Variants in TNFRSF13B observed in about 807,000 individuals in gnomAD.
TNFRSF13B encodes the protein tumor necrosis factor receptor superfamily member 13B.
Under a neutral mutation model 24.0 loss-of-function variants are expected in TNFRSF13B, and 34 were observed. The ratio of observed to expected loss-of-function variants is 1.41; its 90% CI spans 1.08 to 1.88. The LOEUF is 1.88. TNFRSF13B is among the 40% of genes most tolerant of loss of function. The pLI is 0.00. For missense variants in TNFRSF13B, 415 were observed against 380.8 expected, an observed-to-expected ratio of 1.09 and a Z score of -0.75; for synonymous variants, 173 against 150.3, an observed-to-expected ratio of 1.15 and a Z score of -1.10.
intron 1 of TNFRSF13B, among the ~76,000 whole-genome samples, chr17:16,969,981 G>T (rs540483463): frequency 3.9e-5 from 6 of 152,076 alleles, no homozygotes; most frequent in Non-Finnish European, 8.8e-5. Context: ...TGTGACAAGG[G>T]CAGCCTTGGA....
At chr17:16,951,935 C>T (rs2087591746) in intron 2 of TNFRSF13B, among the ~76,000 whole-genome samples, 1 of 151,968 alleles carries the variant, frequency 6.6e-6, no homozygotes, top group South Asian at 2.1e-4. Flanking sequence ...AAATAAAATA[C>T]ACAAGTCAAA....
intron 3 of TNFRSF13B, among the ~76,000 whole-genome samples, chr17:16,945,711 C>G (rs1300120609): frequency 6.6e-6 from 1 of 152,178 alleles, no homozygotes; most frequent in African/African-American, 2.4e-5. Flanking sequence ...TGTATCCACA[C>G]CCCCTCCATG....
chr17:16,945,264 G>A (rs61458363), intron 3 of TNFRSF13B, among the ~76,000 whole-genome samples: 2,189 of 152,286 alleles, frequency 0.014, 50 homozygotes, highest in African/African-American at 0.05. Context: ...GAGCCAAGAT[G>A]AGGCTCCAAG....
chr17:16,940,300 C>G (rs759510650), intron 4 of TNFRSF13B, 26 bp downstream of exon 4: 1 of 1,612,092 alleles, frequency 6.2e-7, no homozygotes, highest in South Asian at 1.1e-5. Context: ...GCGAGAAGGG[C>G]GAGGACCCCA....
chr17:16,946,576 TTTTATTTA>T (rs1191028278), intron 3 of TNFRSF13B, among the ~76,000 whole-genome samples: 1 of 135,246 alleles, frequency 7.4e-6, no homozygotes, highest in South Asian at 2.4e-4. Context: ...TTATTTTTAT[TTTTATTTA>T]TTTATTTATT....
chr17:16,945,095 G>A (rs2087537974), intron 3 of TNFRSF13B, among the ~76,000 whole-genome samples: 1 of 152,232 alleles, frequency 6.6e-6, no homozygotes, highest in African/African-American at 2.4e-5. Context: ...AAAGGGCAGG[G>A]TAGGGCAGTG....
rs933717065 is a variant in TNFRSF13B, at chr17:16,944,216, C to T, written c.446-3705G>A. Among the ~76,000 whole-genome samples the T allele has an allele frequency of 2.0e-5, 3 of 152,224 alleles. No individual in the cohort carries two copies. The South Asian group carries it at 6.2e-4, about 32-fold the overall frequency. On this transcript the variant is annotated intron_variant, in intron 3 of 4. Coordinates refer to ENST00000261652, the MANE Select transcript of TNFRSF13B (RefSeq NM_012452.3). ...CCAGCCTCCAGCACAGAGCCCCTCA[C>T]AGCCTCCCAACGGCACAGTTCTCTG... is the stretch of plus-strand genomic sequence containing the variant.
intron 1 of TNFRSF13B, among the ~76,000 whole-genome samples, chr17:16,968,792 A>T (rs1489376719): frequency 1.3e-5 from 2 of 152,236 alleles, no homozygotes; most frequent in Non-Finnish European, 2.9e-5. Context: ...ATAGGTTCAA[A>T]TATTATACCT....
chr17:16,966,447 A>G (rs532094040), intron 1 of TNFRSF13B, among the ~76,000 whole-genome samples: 1 of 152,336 alleles, frequency 6.6e-6, no homozygotes, highest in South Asian at 2.1e-4. Flanking sequence ...TCATGAATAG[A>G]CAGTTCACAG....
At chr17:16,961,245 C>T (rs7223652) in intron 1 of TNFRSF13B, among the ~76,000 whole-genome samples, 118,671 of 152,160 alleles carry the variant, frequency 0.78, 47,007 homozygotes, top group East Asian at 0.99. Context: ...CACTCCTAAG[C>T]AAACATCCAA....
intron 3 of TNFRSF13B, among the ~76,000 whole-genome samples, chr17:16,942,308 C>T (rs2087516780): frequency 2.0e-5 from 3 of 152,218 alleles, no homozygotes; most frequent in African/African-American, 4.8e-5. Context: ...GCTCCAAGCC[C>T]GCGGGCCACA....
chr17:16,969,636 A>G (rs975379319), intron 1 of TNFRSF13B, among the ~76,000 whole-genome samples: 4 of 152,142 alleles, frequency 2.6e-5, no homozygotes, highest in Non-Finnish European at 5.9e-5. Flanking sequence ...TATACTAAAA[A>G]CACAGACTTG....
chr17:16,943,753 A>G (rs546255736), intron 3 of TNFRSF13B, among the ~76,000 whole-genome samples: 1 of 152,272 alleles, frequency 6.6e-6, no homozygotes, highest in South Asian at 2.1e-4. Context: ...AGTCCTCTGC[A>G]ACCCCCATGT....
intron 3 of TNFRSF13B, 62 bp from the exon 4 acceptor site, chr17:16,940,573 A>T: frequency 6.4e-7 from 1 of 1,570,022 alleles, no homozygotes; most frequent in Non-Finnish European, 8.6e-7. Context: ...ATTAGGCTCA[A>T]GCAATCCACA....
chr17:16,969,607 G>T (rs931108744), intron 1 of TNFRSF13B, among the ~76,000 whole-genome samples: 1 of 152,146 alleles, frequency 6.6e-6, no homozygotes, highest in Non-Finnish European at 1.5e-5. Flanking sequence ...TTATGGTGAT[G>T]GTTGCACAAC....
At position 16,972,040 on chromosome 17, in the gene TNFRSF13B, C is replaced by G. The variant is rs1235881099; in HGVS notation, c.36G>C (p.Arg12=). 1.2e-6 allele frequency: 2 copies of G among 1,614,126 alleles called. No individual in the cohort carries two copies. Among genetic ancestry groups the G allele is most frequent in the Middle Eastern group, 1.6e-4 (1 of 6,062 alleles). ...SGLGRSRRGG[R]SRVDQEERFP... ...AGCGCTCCTCCTGGTCCACACGGCT[C>G]CGGCCACCTCGCCTGCTCCGGCCCA... The change falls in exon 1 of 5, where the codon CGG becomes CGC. Residue 12 remains arginine, a synonymous_variant. Transcript: ENST00000261652.
intron 3 of TNFRSF13B, among the ~76,000 whole-genome samples, chr17:16,946,337 C>A (rs1473011978): frequency 1.3e-5 from 2 of 152,050 alleles, no homozygotes; most frequent in African/African-American, 2.4e-5. Context: ...AGGGCAGATG[C>A]CATCGCTAGT....
At chr17:16,962,893 G>A (rs1026663627) in intron 1 of TNFRSF13B, among the ~76,000 whole-genome samples, 5 of 152,168 alleles carry the variant, frequency 3.3e-5, no homozygotes, top group African/African-American at 9.7e-5. Flanking sequence ...AGATAGTGAC[G>A]TCCAAGTTAA....
chr17:16,939,725 G>A lies in TNFRSF13B; in HGVS notation c.704C>T (p.Pro235Leu), dbSNP rs750688254. The A allele has an allele frequency of 3.7e-6, 6 of 1,606,128 alleles. No individual in the cohort carries two copies. The African/African-American group carries it at 8.0e-5, about 21-fold the overall frequency. Residue 235 changes from proline to leucine, a missense_variant, in exon 5 of 5, where the codon CCT (proline) becomes CTT (leucine). Coordinates refer to ENST00000261652, the MANE Select transcript of TNFRSF13B (RefSeq NM_012452.3). ...CTCCTGCGTGGGCGCCCTGCACTCA[G>A]GGAAGCAGAAGCTGCAGGTCTCCAC... ...EPVETCSFCF[P>L]ECRAPTQESA...
Sources: allele counts gnomAD v4.1 joint callset (sites outside exome capture counted in the v4.1 genomes callset), GRCh38; gene constraint gnomAD v4.1.1; transcripts MANE v1.5; gene names NCBI Gene and HGNC (gene_info 2026-07-23, HGNC 2026-07-21).